WASF3: variants seen among roughly 807,000 people sequenced by gnomAD.
The protein encoded by WASF3 is WASP family member 3, also known as actin-binding protein WASF3.
WASF3 carries 11 observed loss-of-function variants against 46.6 expected under a neutral mutation model. That is an observed-to-expected ratio of 0.24 (90% CI 0.15 to 0.39). The LOEUF (loss-of-function observed/expected upper bound fraction) is 0.39, where lower values mean the gene tolerates loss of function less well. WASF3 is among the 10% of genes least tolerant of loss of function. The pLI is 1.00. For missense variants in WASF3, 576 were observed against 669.8 expected, an observed-to-expected ratio of 0.86 and a Z score of 1.55; for synonymous variants, 242 against 259.7, an observed-to-expected ratio of 0.93 and a Z score of 0.65.
At position 26,664,673 on chromosome 13, in the gene WASF3, T is replaced by C. The variant is rs530536935; in HGVS notation, c.134-355T>C. On this transcript the variant is annotated intron_variant, in intron 3 of 9. Transcript: ENST00000335327. ...GGCCAACATGATAATTGAATTATCTTGAGGAATAAGTGAAAGTTTGGTTCC... is the reference window on the plus strand; with the variant it reads ...GGCCAACATGATAATTGAATTATCTCGAGGAATAAGTGAAAGTTTGGTTCC... Among the ~76,000 whole-genome samples the C allele has an allele frequency of 4.6e-5, 7 of 152,386 alleles. No individual in the cohort carries two copies. The East Asian group carries it at 7.7e-4, about 17-fold the overall frequency.
intron 1 of WASF3, among the ~76,000 whole-genome samples, chr13:26,575,826 A>G (rs1456197415): frequency 6.6e-6 from 1 of 151,610 alleles, no homozygotes; most frequent in African/African-American, 2.4e-5. Context: ...TCATTCTCTG[A>G]TATCATTCTG....
chr13:26,593,435 T>C (rs1880364369), intron 1 of WASF3, among the ~76,000 whole-genome samples: 2 of 152,224 alleles, frequency 1.3e-5, no homozygotes, highest in Admixed American at 1.3e-4. Flanking sequence ...CTAGGCCATT[T>C]ACCAAGCCAC....
chr13:26,617,240 A>G (rs1301980234), intron 2 of WASF3, among the ~76,000 whole-genome samples: 1 of 151,790 alleles, frequency 6.6e-6, no homozygotes, highest in Non-Finnish European at 1.5e-5. Context: ...AAGGATAATA[A>G]AAGTTCATAA....
At chr13:26,577,443 A>G (rs549650006) in intron 1 of WASF3, 2 of 821,624 alleles carry the variant, frequency 2.4e-6, no homozygotes, top group East Asian at 4.8e-5. Flanking sequence ...GTGGTCAATA[A>G]ATTGATTCCA....
chr13:26,558,473 G>C (rs1879175614), intron 1 of WASF3, among the ~76,000 whole-genome samples: 1 of 108,658 alleles, frequency 9.2e-6, no homozygotes, highest in African/African-American at 2.7e-5. Context: ...GGGGGACCGC[G>C]CGCACGGAGC....
intron 3 of WASF3, among the ~76,000 whole-genome samples, chr13:26,657,895 CA>C (rs1422937254): frequency 2.0e-5 from 3 of 152,114 alleles, no homozygotes; most frequent in African/African-American, 7.2e-5. Flanking sequence ...CAGCAGCTGG[CA>C]AAATATTAAT....
Position 26,574,276 on chromosome 13 carries a change from C to CT in WASF3, c.-109+16465dup, listed in dbSNP as rs561160787. The stretch of plus-strand genomic sequence containing the variant: ...GTTATATTGTTGAAATCATTTATAT[C>CT]TTTTTTTTCCTATGCTCTGCTTTGT... On this transcript the variant is annotated intron_variant, in intron 1 of 9. Coordinates refer to ENST00000335327, the MANE Select transcript of WASF3 (RefSeq NM_006646.6). Among the ~76,000 whole-genome samples, 37 of 152,076 alleles carry CT rather than the reference C, an allele frequency of 2.4e-4. No individual in the cohort carries two copies. In the South Asian group the frequency reaches 7.1e-3, roughly 29 times the overall value.
At chr13:26,592,354 G>A (rs530063852) in intron 1 of WASF3, among the ~76,000 whole-genome samples, 7 of 152,236 alleles carry the variant, frequency 4.6e-5, no homozygotes, top group African/African-American at 1.4e-4. Context: ...ACCTTACAGT[G>A]TGTCTTAGCT....
chr13:26,658,587 G>T (rs1313330388), intron 3 of WASF3, among the ~76,000 whole-genome samples: 1 of 152,198 alleles, frequency 6.6e-6, no homozygotes, highest in African/African-American at 2.4e-5. Flanking sequence ...TCATTGCCCA[G>T]CCTGCCTTGA....
At chr13:26,651,415 A>G (rs1440425434) in intron 3 of WASF3, among the ~76,000 whole-genome samples, 1 of 152,222 alleles carries the variant, frequency 6.6e-6, no homozygotes, top group African/African-American at 2.4e-5. Context: ...AATATACATC[A>G]TGTAAAAGAA....
chr13:26,657,307 G>C (rs1882495171), intron 3 of WASF3, among the ~76,000 whole-genome samples: 1 of 152,178 alleles, frequency 6.6e-6, no homozygotes, highest in Admixed American at 6.5e-5. Flanking sequence ...AATGTCTAAG[G>C]ATTTTGCTTT....
intron 3 of WASF3, among the ~76,000 whole-genome samples, chr13:26,657,609 C>T (rs2137447009): frequency 6.6e-6 from 1 of 152,314 alleles, no homozygotes; most frequent in East Asian, 1.9e-4. Context: ...TTTATCTCAA[C>T]CTGATGTATT....
chr13:26,577,580 G>A, intron 1 of WASF3: 3 of 1,134,950 alleles, frequency 2.6e-6, no homozygotes, highest in Admixed American at 3.4e-5. Flanking sequence ...GGAGCTTCAT[G>A]GTGAAGGCAG....
chr13:26,663,249 C>G (rs1454050871), intron 3 of WASF3, among the ~76,000 whole-genome samples: 2 of 152,132 alleles, frequency 1.3e-5, no homozygotes, highest in South Asian at 2.1e-4. Flanking sequence ...TCAGCTTGTA[C>G]AGGATTTGAG....
At chr13:26,660,879 T>A (rs1370674125) in intron 3 of WASF3, among the ~76,000 whole-genome samples, 4 of 152,138 alleles carry the variant, frequency 2.6e-5, no homozygotes, top group Non-Finnish European at 5.9e-5. Context: ...GAGCATCTGC[T>A]TCTGGTGAGG....
Position 26,629,402 on chromosome 13 carries a change from C to T in WASF3, c.-10-12859C>T, listed in dbSNP as rs533866314. Among the ~76,000 whole-genome samples, 36 of 152,350 alleles carry T rather than the reference C, an allele frequency of 2.4e-4. 1 individual carries two copies. The highest frequency in any genetic ancestry group is 8.4e-4 in the African/African-American group (35 of 41,594). ...GTTGGCCACTGCCCACACATCTGCA[C>T]GCATTTCAGATCAAGCTACGCGGTG... On this transcript the variant is annotated intron_variant, in intron 2 of 9. Transcript: ENST00000335327.
At chr13:26,616,013 A>G (rs1249315064) in intron 2 of WASF3, among the ~76,000 whole-genome samples, 1 of 152,170 alleles carries the variant, frequency 6.6e-6, no homozygotes, top group East Asian at 1.9e-4. Flanking sequence ...TTGTCCATTC[A>G]CCTGCTAATG....
chr13:26,683,474 C>CAA (rs5802386), intron 9 of WASF3, among the ~76,000 whole-genome samples: 419 of 121,490 alleles, frequency 3.4e-3, no homozygotes, highest in Non-Finnish European at 6.3e-3. Context: ...AGACCCGTCT[C>CAA]AAAAAAAAAA....
rs182889606 is a variant in WASF3 at position 26,623,742 on chromosome 13, G to A, written c.-11+10684G>A. ...TGGGCCAGGGAGAGCAAGGAGCCTA[G>A]CACCTGGTAACGTAGCAATAACAGT... On this transcript the variant is annotated intron_variant, in intron 2 of 9. Coordinates refer to ENST00000335327, the MANE Select transcript of WASF3 (RefSeq NM_006646.6). Among the ~76,000 whole-genome samples, 15 of 152,276 alleles carry A rather than the reference G, an allele frequency of 9.9e-5. 1 individual carries two copies. The East Asian group carries it at 2.7e-3, about 27-fold the overall frequency.
Sources: gnomAD v4.1 joint callset for allele counts (sites outside exome capture counted in the v4.1 genomes callset) on GRCh38, gnomAD v4.1.1 for gene constraint, MANE v1.5 for transcripts, NCBI Gene and HGNC (gene_info 2026-07-23, HGNC 2026-07-21) for gene names.